NBPF8: variants seen among roughly 807,000 people sequenced by gnomAD.
NBPF8 encodes the protein NBPF family member NBPF8.
chr1:120,452,536 C>T (rs1169171943), intron 13 of NBPF8, among the ~76,000 whole-genome samples: 1 of 152,106 alleles, frequency 6.6e-6, no homozygotes, highest in South Asian at 2.1e-4. Flanking sequence ...TGTCCCTCCT[C>T]CCTTGATGGA....
exon 25 of NBPF8, chr1:120,466,574 T>A (rs1661757555): frequency 3.5e-6 from 1 of 285,384 alleles, no homozygotes; most frequent in Non-Finnish European, 6.7e-6. Flanking sequence ...TTGTCATCTT[T>A]GTGTTTAGCT....
chr1:120,466,448 G>T, exon 25 of NBPF8: 1 of 490,528 alleles, frequency 2.0e-6, no homozygotes, highest in South Asian at 2.1e-5. Context: ...AGCACATGCC[G>T]GGAGTGATCA....
chr1:120,428,941 G>C (rs1395620433), intron 3 of NBPF8, among the ~76,000 whole-genome samples: 5 of 150,044 alleles, frequency 3.3e-5, no homozygotes, highest in Non-Finnish European at 7.4e-5. Context: ...TATGAACACA[G>C]ACTTGGGGAT....
At chr1:120,426,755 C>T (rs1425181321) in intron 2 of NBPF8, among the ~76,000 whole-genome samples, 1 of 151,814 alleles carries the variant, frequency 6.6e-6, no homozygotes, top group South Asian at 2.1e-4. Context: ...TTACCTCTGT[C>T]GACCTGTGAA....
At chr1:120,416,174 T>G (rs1660431856), upstream of NBPF8, among the ~76,000 whole-genome samples, 1 of 150,856 alleles carries the variant, frequency 6.6e-6, no homozygotes, top group African/African-American at 2.4e-5. Flanking sequence ...TTTTTAAATT[T>G]TATTAGTAAA....
chr1:120,466,392 A>C, exon 25 of NBPF8: 1 of 939,134 alleles, frequency 1.1e-6, no homozygotes, highest in South Asian at 1.6e-5. Flanking sequence ...GCTCAGTCTG[A>C]AGACAATGGA....
At chr1:120,451,630 CCTGA>C (rs1341383360) in intron 12 of NBPF8, among the ~76,000 whole-genome samples, 2 of 145,334 alleles carry the variant, frequency 1.4e-5, no homozygotes, top group Admixed American at 7.1e-5. Flanking sequence ...AGAATCACCT[CCTGA>C]CTGACTGCGG....
At chr1:120,422,194 A>C (rs1413933401) in intron 1 of NBPF8, among the ~76,000 whole-genome samples, 1 of 152,230 alleles carries the variant, frequency 6.6e-6, no homozygotes, top group African/African-American at 2.4e-5. Context: ...ATGTTGTATT[A>C]GTGTGGTCCA....
At position 120,421,182 on chromosome 1, in the gene NBPF8, T is replaced by A. The variant is rs1660564300; in HGVS notation, n.269+1064T>A. 3.3e-5 allele frequency among the ~76,000 whole-genome samples: 5 copies of A among 152,258 alleles called. No homozygotes were observed. In the East Asian group the frequency reaches 9.7e-4, roughly 29 times the overall value. ...CTCTGGCAACAGTGGGCCAGAGGAA[T>A]AATGTGTTTCAGAGAAGGAAGAAGG... On this transcript the variant is annotated intron_variant and non_coding_transcript_variant, in intron 1 of 28. Transcript: ENST00000652355.
At chr1:120,464,573 T>G (rs1661691017) in intron 23 of NBPF8, 25 bp downstream of exon 21, 10 of 774,386 alleles carry the variant, frequency 1.3e-5, no homozygotes, top group Non-Finnish European at 2.4e-5. Flanking sequence ...ATGAAGGTGA[T>G]AAGGATCCAC....
chr1:120,468,621 T>C (rs1440117985), downstream of NBPF8, among the ~76,000 whole-genome samples: 3 of 149,752 alleles, frequency 2.0e-5, no homozygotes, highest in East Asian at 1.9e-4. Flanking sequence ...CAGAGGATAC[T>C]TCCATGGTCC....
chr1:120,462,885 C>A, exon 21 of NBPF8: 1 of 429,482 alleles, frequency 2.3e-6, no homozygotes. Context: ...TTATCTTGAA[C>A]TGCCTGACTT....
rs1287392996 is a variant in NBPF8 at position 120,464,415 on chromosome 1, C to A, written n.3326C>A. ...TGCTGGAGGTAGTAGAGCCTGAAGT[C>A]TTGCAGGACTCACTGGATAGATGTT... On this transcript the variant is annotated non_coding_transcript_exon_variant, in exon 23 of 25. Transcript: ENST00000583271. 1,653 of 708,416 alleles carry A rather than the reference C, an allele frequency of 2.3e-3. 22 individuals are homozygous for A. In the Middle Eastern group the frequency reaches 0.026, roughly 11 times the overall value. 43.9% of individuals were successfully genotyped at this position (708,416 alleles called of 1,614,324 possible).
chr1:120,429,546 G>A (rs1175257093), intron 3 of NBPF8, among the ~76,000 whole-genome samples: 3 of 152,152 alleles, frequency 2.0e-5, no homozygotes, highest in African/African-American at 7.2e-5. Context: ...CATGGCGGGA[G>A]GGATTTCCTT....
intron 15 of NBPF8, among the ~76,000 whole-genome samples, chr1:120,454,542 C>T (rs1661379482): frequency 6.6e-6 from 1 of 152,056 alleles, no homozygotes; most frequent in Admixed American, 6.6e-5. Flanking sequence ...TCATCTGGAT[C>T]TCCTTTAAGT....
chr1:120,452,930 A>T (rs1157404451), intron 13 of NBPF8, among the ~76,000 whole-genome samples: 2 of 152,118 alleles, frequency 1.3e-5, no homozygotes, highest in African/African-American at 4.8e-5. Flanking sequence ...TGAAGAACAC[A>T]GCAGAAGCCA....
intron 20 of NBPF8, 57 bp downstream of exon 18, chr1:120,462,254 T>A (rs1177764081): frequency 1.4e-4 from 96 of 701,584 alleles, no homozygotes; most frequent in Non-Finnish European, 2.3e-4. Context: ...AGATGCCAGG[T>A]CCAGGGAAAG....
downstream of NBPF8, among the ~76,000 whole-genome samples, chr1:120,468,949 G>A (rs2101709158): frequency 6.6e-6 from 1 of 152,228 alleles, no homozygotes; most frequent in East Asian, 1.9e-4. Context: ...TTTAGGGGCA[G>A]GATTATGGGT....
intron 14 of NBPF8, 117 bp downstream of exon 12, chr1:120,453,561 A>G: frequency 1.1e-6 from 1 of 950,102 alleles, no homozygotes; most frequent in Non-Finnish European, 1.7e-6. Context: ...TAGCCACAGT[A>G]TGTGAAATAT....
Sources: allele counts gnomAD v4.1 joint callset (sites outside exome capture counted in the v4.1 genomes callset), GRCh38; gene constraint gnomAD v4.1.1; transcripts MANE v1.5; gene names NCBI Gene and HGNC (gene_info 2026-07-23, HGNC 2026-07-21).